Variants in NOS3 observed in about 807,000 individuals in gnomAD.
The protein encoded by NOS3 is nitric oxide synthase 3.
Under a neutral mutation model 144.9 loss-of-function variants are expected in NOS3, and 98 were observed. The observed-to-expected ratio is 0.68, with a 90% CI of 0.57 to 0.80. NOS3 has a LOEUF of 0.80. Ranked by LOEUF, NOS3 falls within the 30% of genes least tolerant of loss-of-function variation. NOS3 has a pLI of 0.00. For synonymous variants in NOS3, 714 were observed against 702.4 expected (o/e 1.02, Z -0.26); for missense variants, 1,465 against 1,656.4 (o/e 0.88, Z 2.01).
At chr7:150,997,675 TA>T (rs969490207) in intron 5 of NOS3, among the ~76,000 whole-genome samples, 1 of 152,118 alleles carries the variant, frequency 6.6e-6, no homozygotes, top group African/African-American at 2.4e-5. Flanking sequence ...TCAACTAAAA[TA>T]AAAACAATCC....
rs920415717 is a variant in NOS3, at chr7:151,010,127, C to T, written c.2525C>T (p.Pro842Leu). 1.2e-6 allele frequency: 2 copies of T among 1,602,980 alleles called. No individual in the cohort carries two copies. Among genetic ancestry groups the T allele is most frequent in the Non-Finnish European group, 1.7e-6 (2 of 1,173,810 alleles). Residue 842 changes from proline to leucine, a missense_variant, in exon 21 of 27, where the codon CCC becomes CTC. Pro to Leu is a moderately conservative substitution (Grantham distance 98). Coordinates refer to ENST00000297494, the MANE Select transcript of NOS3 (RefSeq NM_000603.5). ...GCACTATCCCCAGGTGGCCCTCCCC[C>T]CGGCTGGGTGCGGGACCCCCGGCTG... ...LEKGSPGGPP[P>L]GWVRDPRLPP...
intron 14 of NOS3, among the ~76,000 whole-genome samples, chr7:151,004,292 C>T (rs954802631): frequency 1.7e-4 from 26 of 152,168 alleles, no homozygotes; most frequent in African/African-American, 5.8e-4. Context: ...GCCGAGATCA[C>T]GCCACTGCAC....
chr7:150,993,614 G>A lies in NOS3; in HGVS notation c.-51-139G>A, dbSNP rs563155403. On this transcript the variant is annotated intron_variant, in intron 1 of 26. Coordinates refer to ENST00000297494, the MANE Select transcript of NOS3 (RefSeq NM_000603.5). This position sits in a 1 kb window ranked among gnomAD's most constrained non-coding sequence, Gnocchi z 4.0. Reference sequence around the variant, plus strand: ...GGCCCCCCACCCTTCAGGCCAGCGGGCGTGGAGCTGAGGCTTTAGAGCCTC... The same window carrying A: ...GGCCCCCCACCCTTCAGGCCAGCGGACGTGGAGCTGAGGCTTTAGAGCCTC... 5.2e-6 allele frequency: 3 copies of A among 577,184 alleles called. No individual in the cohort carries two copies. The highest frequency in any genetic ancestry group is 8.9e-6 in the Non-Finnish European group (3 of 336,312). The allele number at this position is 577,184 out of a possible 1,614,324, so 35.8% of individuals were successfully genotyped here. A position where few individuals can be genotyped will look rare whatever the true frequency, so the allele number is the denominator to read the frequency against.
At chr7:151,000,472 C>T (rs1196890472) in intron 9 of NOS3, 26 bp from the exon 10 acceptor site, 9 of 1,452,386 alleles carry the variant, frequency 6.2e-6, no homozygotes, top group African/African-American at 2.8e-5. Context: ...CTGTCCCTAC[C>T]GATGCCACAC....
At chr7:151,001,646 A>T in intron 12 of NOS3, 29 bp downstream of exon 12, 1 of 1,604,628 alleles carries the variant, frequency 6.2e-7, no homozygotes, top group South Asian at 1.1e-5. Flanking sequence ...CCGCTCTCCC[A>T]CACACACCCT....
In NOS3 at chr7:151,003,560, T is replaced by C. The variant is rs777962214; in HGVS notation, c.1752+1256T>C. On this transcript the variant is annotated intron_variant, in intron 14 of 26. Transcript: ENST00000297494. This position sits in a 1 kb window ranked among gnomAD's most constrained non-coding sequence, Gnocchi z 4.1. The stretch of plus-strand genomic sequence containing the variant: ...GACTTTTTTTTAGCATAAAGGTGTA[T>C]AGACACCCATATAACCTACAGCCTT... 3.8e-6 allele frequency: 5 copies of C among 1,299,894 alleles called. No homozygotes were observed. Among genetic ancestry groups the C allele is most frequent in the Admixed American group, 2.3e-5 (1 of 43,176 alleles). 80.5% of individuals were successfully genotyped at this position (1,299,894 alleles called of 1,614,324 possible).
At chr7:150,996,736 TC>T (rs1382822205) in intron 4 of NOS3, 26 bp from the exon 5 acceptor site, 1 of 1,607,868 alleles carries the variant, frequency 6.2e-7, no homozygotes, top group African/African-American at 1.3e-5. Flanking sequence ...TTCCTGCTTG[TC>T]CCCTTCCCAC....
rs190683491 is a variant in NOS3 at position 151,002,568 on chromosome 7, C to G, written c.1752+264C>G. 6.6e-6 allele frequency among the ~76,000 whole-genome samples: 1 copy of G among 152,158 alleles called. No homozygotes were observed. The highest frequency in any genetic ancestry group is 1.5e-5 in the Non-Finnish European group (1 of 68,028). ...CTGCAAGCACATTTGCTTAACTGCG[C>G]GTCCCCAAGTCATTTCCATTATCAG... is the stretch of plus-strand genomic sequence containing the variant. On this transcript the variant is annotated intron_variant, in intron 14 of 26. Coordinates refer to ENST00000297494, the MANE Select transcript of NOS3 (RefSeq NM_000603.5). The surrounding 1 kb of genome is among the most constrained non-coding windows in gnomAD (Gnocchi z 4.1).
Position 151,002,638 on chromosome 7 carries a change from G to C in NOS3, c.1752+334G>C, listed in dbSNP as rs1281327913. Among the ~76,000 whole-genome samples, 1 of 152,152 alleles carries C rather than the reference G, an allele frequency of 6.6e-6. No homozygotes were observed. Among genetic ancestry groups the C allele is most frequent in the Non-Finnish European group, 1.5e-5 (1 of 68,042 alleles). ...GAAGGCACATCCTGGCTGACCAAGA[G>C]GTTAGACTGTGCTCGGGCACTGACA... On this transcript the variant is annotated intron_variant, in intron 14 of 26. Transcript: ENST00000297494. This position sits in a 1 kb window ranked among gnomAD's most constrained non-coding sequence, Gnocchi z 4.1.
intron 10 of NOS3, 89 bp from the exon 11 acceptor site, chr7:151,001,142 T>G: frequency 7.5e-7 from 1 of 1,338,092 alleles, no homozygotes; most frequent in Non-Finnish European, 1.1e-6. Flanking sequence ...CGAGGGCACA[T>G]GTGGTTTGGG....
At chr7:151,005,579 C>A (rs978299820) in intron 14 of NOS3, among the ~76,000 whole-genome samples, 1 of 152,216 alleles carries the variant, frequency 6.6e-6, no homozygotes, top group Non-Finnish European at 1.5e-5. Flanking sequence ...GTGCCCTCCC[C>A]TGCAGCTGCG....
At position 151,001,922 on chromosome 7, in the gene NOS3, C is replaced by G; in HGVS notation, c.1604C>G (p.Ala535Gly). 1 of 1,613,594 alleles carries G rather than the reference C, an allele frequency of 6.2e-7. No individual in the cohort carries two copies. Among genetic ancestry groups the G allele is most frequent in the South Asian group, 1.1e-5 (1 of 91,084 alleles). The change falls in exon 13 of 27, where the codon GCA (alanine) becomes GGA (glycine). Residue 535 changes from alanine (A) to glycine (G), a missense_variant. Physicochemically the swap from Ala to Gly is moderately conservative, Grantham distance 60. Coordinates refer to ENST00000297494, the MANE Select transcript of NOS3 (RefSeq NM_000603.5). Reference sequence around the variant, plus strand: ...GAGACCGGCCGGGCCCAGAGCTACGCACAGCAGCTGGGGAGACTCTTCCGG... The same window carrying G: ...GAGACCGGCCGGGCCCAGAGCTACGGACAGCAGCTGGGGAGACTCTTCCGG... ...GSETGRAQSY[A>G]QQLGRLFRKA... is the part of the protein sequence containing the mutation.
At position 151,000,608 on chromosome 7, in the gene NOS3, G is replaced by A. The variant is rs368640815; in HGVS notation, c.1233+9G>A. 114 of 1,583,692 alleles carry A rather than the reference G, an allele frequency of 7.2e-5. No homozygotes were observed. Among genetic ancestry groups the A allele is most frequent in the Non-Finnish European group, 9.9e-5 (114 of 1,153,280 alleles). On this transcript the variant is annotated intron_variant, in intron 10 of 26. Coordinates refer to ENST00000297494, the MANE Select transcript of NOS3 (RefSeq NM_000603.5). ...TGCTGCACAGTTACCAGGTGCAGAG[G>A]CCCAGACTGGCCAGGAAGGCAAAGG...
rs547910779 is a variant in NOS3 at position 150,999,956 on chromosome 7, G to C, written c.1132-542G>C. Among the ~76,000 whole-genome samples, 43 of 148,844 alleles carry C rather than the reference G, an allele frequency of 2.9e-4. 1 individual carries two copies. Among genetic ancestry groups the C allele is most frequent in the African/African-American group, 9.7e-4 (39 of 40,152 alleles). On this transcript the variant is annotated intron_variant, in intron 9 of 26. Transcript: ENST00000297494. The stretch of plus-strand genomic sequence containing the variant: ...TGGGTTTGTGGGGTGTGTAGGGGGT[G>C]TGTGTGGGCTTGTAGGGGTAGGCGA...
intron 3 of NOS3, among the ~76,000 whole-genome samples, 184 bp from the exon 4 acceptor site, chr7:150,996,220 C>G (rs1802414406): frequency 1.6e-4 from 2 of 12,750 alleles, no homozygotes; most frequent in Non-Finnish European, 3.5e-4. Context: ...CCCGTCCCAC[C>G]CCTGCACTTC....
chr7:151,010,104 A>G lies in NOS3; in HGVS notation c.2513-11A>G, dbSNP rs552075241. 3.2e-6 allele frequency: 5 copies of G among 1,568,136 alleles called. No individual in the cohort carries two copies. The East Asian group carries it at 8.9e-5, about 28-fold the overall frequency. On this transcript the variant is annotated splice_polypyrimidine_tract_variant and intron_variant, in intron 20 of 26. Transcript: ENST00000297494. Reference sequence around the variant, plus strand: ...GCCCTGTCCTCAGAGCTCCCTGTGCACTATCCCCAGGTGGCCCTCCCCCCG... The same window carrying G: ...GCCCTGTCCTCAGAGCTCCCTGTGCGCTATCCCCAGGTGGCCCTCCCCCCG...
chr7:151,008,915 C>T lies in NOS3; in HGVS notation c.2113-15C>T. The T allele has an allele frequency of 6.2e-7, 1 of 1,601,932 alleles. No homozygotes were observed. The highest frequency in any genetic ancestry group is 1.1e-5 in the South Asian group (1 of 89,288). The stretch of plus-strand genomic sequence containing the variant: ...GTGGCGGGAGGTCCTCAGCCCTCAC[C>T]GGCCTGTCCCGCAGGCCGCCTGTGA... On this transcript the variant is annotated splice_polypyrimidine_tract_variant and intron_variant, in intron 17 of 26. Transcript: ENST00000297494.
chr7:151,014,347 T>C lies in NOS3; in HGVS notation c.*178T>C. On this transcript the variant is annotated 3_prime_UTR_variant, in exon 27 of 27. Transcript: ENST00000297494. Reference sequence around the variant, plus strand: ...GAGCAAAACGCCTCTTTTCCCTCTCTAGGCCTGTTGCCTCGGGCCTGGGTC... The same window carrying C: ...GAGCAAAACGCCTCTTTTCCCTCTCCAGGCCTGTTGCCTCGGGCCTGGGTC... 1 of 694,082 alleles carries C rather than the reference T, an allele frequency of 1.4e-6. No individual in the cohort carries two copies. Among genetic ancestry groups the C allele is most frequent in the Non-Finnish European group, 2.3e-6 (1 of 434,026 alleles). The allele number at this position is 694,082 out of a possible 1,614,324, so 43.0% of individuals were successfully genotyped here.
chr7:151,013,159 G>A (rs1279964854), intron 24 of NOS3, 72 bp from the exon 25 acceptor site: 4 of 1,511,842 alleles, frequency 2.6e-6, no homozygotes, highest in African/African-American at 2.8e-5. Context: ...CTGGGCGACG[G>A]TGGCCTGTGG....
Sources: gnomAD v4.1 joint callset for allele counts (sites outside exome capture counted in the v4.1 genomes callset) on GRCh38, gnomAD v4.1.1 for gene constraint, Gnocchi (gnomAD v3.1) non-coding constraint, MANE v1.5 for transcripts, NCBI Gene and HGNC (gene_info 2026-07-23, HGNC 2026-07-21) for gene names.